Variants in CCDC175 observed in about 807,000 individuals in gnomAD.
CCDC175 encodes coiled-coil domain-containing protein 175.
CCDC175 carries 100 observed loss-of-function variants against 114.6 expected under a neutral mutation model. That is an observed-to-expected ratio of 0.87 (90% CI 0.74 to 1.03). The LOEUF (loss-of-function observed/expected upper bound fraction) is 1.03, where lower values mean the gene tolerates loss of function less well. Among genes scored for constraint, CCDC175 ranks in the 50% least tolerant of loss-of-function variants. The probability of loss-of-function intolerance (pLI) is 0.00; values close to 1 mark genes in which losing one functional copy is unlikely to be tolerated. For synonymous variants in CCDC175, 306 were observed against 308.7 expected, an observed-to-expected ratio of 0.99 and a Z score of 0.09; for missense variants, 880 against 917.8, an observed-to-expected ratio of 0.96 and a Z score of 0.53.
intron 8 of CCDC175, among the ~76,000 whole-genome samples, chr14:59,546,738 A>T (rs1477078530): frequency 6.6e-6 from 1 of 152,138 alleles, no homozygotes; most frequent in African/African-American, 2.4e-5. Context: ...TGGAAGGCTG[A>T]GGCAGGAGGA....
At position 59,563,717 on chromosome 14, in the gene CCDC175, T is replaced by A. The variant is rs1232542078; in HGVS notation, c.843+20A>T. ...TGCCTAGATAAGGCTTAAAAATATA[T>A]ATAGTTTATTCTTTCTTACCGCTGC... On this transcript the variant is annotated intron_variant, in intron 6 of 19. Transcript: ENST00000537690. 1 of 1,348,648 alleles carries A rather than the reference T, an allele frequency of 7.4e-7. No homozygotes were observed. The highest frequency in any genetic ancestry group is 9.6e-7 in the Non-Finnish European group (1 of 1,046,600). 83.5% of individuals were successfully genotyped at this position (1,348,648 alleles called of 1,614,324 possible). A position where few individuals can be genotyped will look rare whatever the true frequency, so the allele number is the denominator to read the frequency against.
intron 17 of CCDC175, among the ~76,000 whole-genome samples, chr14:59,515,507 G>T (rs975001682): frequency 6.6e-6 from 1 of 151,992 alleles, no homozygotes; most frequent in South Asian, 2.1e-4. Context: ...AAAAGGCAGG[G>T]GTTGCAATCC....
At chr14:59,540,811 T>C in intron 10 of CCDC175, 65 bp from the exon 11 acceptor site, 1 of 1,310,584 alleles carries the variant, frequency 7.6e-7, no homozygotes, top group South Asian at 1.4e-5. Context: ...ATAGACTCTA[T>C]ACGCATAATT....
At chr14:59,570,691 G>A (rs557710417) in intron 3 of CCDC175, among the ~76,000 whole-genome samples, 1 of 152,056 alleles carries the variant, frequency 6.6e-6, no homozygotes, top group Non-Finnish European at 1.5e-5. Context: ...AATGCGGGTG[G>A]CAGGCACTGG....
At chr14:59,555,690 T>C (rs1895848691) in intron 7 of CCDC175, among the ~76,000 whole-genome samples, 1 of 152,204 alleles carries the variant, frequency 6.6e-6, no homozygotes, top group Admixed American at 6.5e-5. Flanking sequence ...TGTTTGCAGA[T>C]GACATGATTG....
At chr14:59,553,434 AG>A (rs1456595160) in intron 7 of CCDC175, among the ~76,000 whole-genome samples, 36 of 152,366 alleles carry the variant, frequency 2.4e-4, no homozygotes, top group Admixed American at 2.2e-3. Context: ...TGTCACCACC[AG>A]GCCTGCCCTA....
In CCDC175 at chr14:59,572,745, A is replaced by G; in HGVS notation, c.312T>C (p.Tyr104=). 6.6e-7 allele frequency: 1 copy of G among 1,520,646 alleles called. No individual in the cohort carries two copies. The highest frequency in any genetic ancestry group is 1.3e-5 in the South Asian group (1 of 79,904). The allele number at this position is 1,520,646 out of a possible 1,614,324, so 94.2% of individuals were successfully genotyped here. ...TGCTATTGGGAAGAGTTTCCAATAGATAGTATAGTTTGTTGAGTTCCATGC... is the reference window on the plus strand; with the variant it reads ...TGCTATTGGGAAGAGTTTCCAATAGGTAGTATAGTTTGTTGAGTTCCATGC... ...IESMELNKLY[Y]LLETLPNSIK... The change falls in exon 3 of 20, where the codon TAT becomes TAC. Residue 104 remains tyrosine (Y), a synonymous_variant. Coordinates refer to ENST00000537690, the MANE Select transcript of CCDC175 (RefSeq NM_001164399.2).
At chr14:59,524,921 C>T (rs1396232363) in intron 16 of CCDC175, among the ~76,000 whole-genome samples, 1 of 152,144 alleles carries the variant, frequency 6.6e-6, no homozygotes, top group Non-Finnish European at 1.5e-5. Flanking sequence ...AAGGCTGAAC[C>T]TCACAAACAT....
intron 17 of CCDC175, among the ~76,000 whole-genome samples, chr14:59,516,539 A>G (rs1217200427): frequency 3.3e-5 from 5 of 152,258 alleles, no homozygotes; most frequent in Admixed American, 3.3e-4. Context: ...TACTATAAAC[A>G]TCTCTATGCA....
intron 7 of CCDC175, among the ~76,000 whole-genome samples, chr14:59,553,109 G>A (rs775686528): frequency 6.6e-6 from 1 of 152,166 alleles, no homozygotes; most frequent in Non-Finnish European, 1.5e-5. Context: ...AGGAAATACA[G>A]AGAACGCCAC....
In CCDC175 at chr14:59,545,315, G is replaced by C; in HGVS notation, c.1036-16C>G. 6.5e-7 allele frequency: 1 copy of C among 1,534,942 alleles called. No homozygotes were observed. Among genetic ancestry groups the C allele is most frequent in the South Asian group, 1.2e-5 (1 of 83,462 alleles). On this transcript the variant is annotated splice_polypyrimidine_tract_variant and intron_variant, in intron 8 of 19. Transcript: ENST00000537690. ...TTTCAACCAGCTAGAGAAAAACAAA[G>C]GAGGTGAATGAGAGGACTGGCTTCA...
intron 3 of CCDC175, among the ~76,000 whole-genome samples, chr14:59,570,752 T>TG (rs71111651): frequency 5.1e-4 from 68 of 134,550 alleles, no homozygotes; most frequent in Non-Finnish European, 2.1e-4. Context: ...TTTGTTTGTT[T>TG]TTGTTTTGAG....
chr14:59,540,648 CTTTTTTT>C lies in CCDC175; in HGVS notation c.1355+20_1355+26del, dbSNP rs34112354. 5.6e-5 allele frequency: 62 copies of C among 1,101,070 alleles called. No individual in the cohort carries two copies. Among genetic ancestry groups the C allele is most frequent in the African/African-American group, 4.0e-4 (19 of 47,594 alleles). 68.2% of individuals were successfully genotyped at this position (1,101,070 alleles called of 1,614,324 possible). On this transcript the variant is annotated intron_variant, in intron 11 of 19. Transcript: ENST00000537690. ...GCTGATAACACAAAACACAAATAAA[CTTTTTTT>C]TTTTTTTTTTTTTTTTTACCATCTC...
At chr14:59,570,972 A>C (rs534462058) in intron 3 of CCDC175, among the ~76,000 whole-genome samples, 1 of 152,032 alleles carries the variant, frequency 6.6e-6, no homozygotes, top group South Asian at 2.1e-4. Flanking sequence ...CAAACTCCTG[A>C]CCTTGTGATC....
At position 59,511,723 on chromosome 14, in the gene CCDC175, T is replaced by C. The variant is rs776773159; in HGVS notation, c.2142+37A>G. On this transcript the variant is annotated intron_variant, in intron 18 of 19. Transcript: ENST00000537690. Reference sequence around the variant, plus strand: ...TAGGTAAACATTTTTGGAAATATGATATTTATATGGAGGCAACAGACACAC... The same window carrying C: ...TAGGTAAACATTTTTGGAAATATGACATTTATATGGAGGCAACAGACACAC... 5.5e-5 allele frequency: 83 copies of C among 1,510,928 alleles called. 1 individual carries two copies. In the South Asian group the frequency reaches 9.5e-4, roughly 17 times the overall value. 93.6% of individuals were successfully genotyped at this position (1,510,928 alleles called of 1,614,324 possible).
chr14:59,536,135 A>G (rs8012522), intron 13 of CCDC175, among the ~76,000 whole-genome samples: 65,757 of 151,918 alleles, frequency 0.43, 14,807 homozygotes, highest in African/African-American at 0.54. Flanking sequence ...CATCTGCTTC[A>G]TGAACATGAC....
At chr14:59,545,107 A>G in intron 9 of CCDC175, 56 bp downstream of exon 9, 1 of 1,477,412 alleles carries the variant, frequency 6.8e-7, no homozygotes, top group Non-Finnish European at 9.0e-7. Context: ...TTTGATAGCA[A>G]GAAAAGCACC....
chr14:59,573,845 C>T (rs1303307878), intron 2 of CCDC175, among the ~76,000 whole-genome samples: 2 of 152,072 alleles, frequency 1.3e-5, no homozygotes, highest in African/African-American at 4.8e-5. Flanking sequence ...AGACTCCTGA[C>T]CTCAAGTGAT....
At chr14:59,561,359 A>C (rs888680128) in intron 6 of CCDC175, 131 bp from the exon 7 acceptor site, 1 of 468,686 alleles carries the variant, frequency 2.1e-6, no homozygotes, top group Non-Finnish European at 3.8e-6. Flanking sequence ...AAGGAAAAAA[A>C]GCAATCATTA....
Sources: allele counts gnomAD v4.1 joint callset (sites outside exome capture counted in the v4.1 genomes callset), GRCh38; gene constraint gnomAD v4.1.1; transcripts MANE v1.5; gene names NCBI Gene and HGNC (gene_info 2026-07-23, HGNC 2026-07-21).